The following CAMKMT variants were observed in gnomAD, a reference collection of about 807,000 sequenced individuals.
CAMKMT encodes CaM KMT.
A neutral mutation model predicts 48.0 loss-of-function variants in CAMKMT; 53 were observed. The observed-to-expected ratio is 1.10, with a 90% confidence interval of 0.89 to 1.39. The LOEUF (loss-of-function observed/expected upper bound fraction) is 1.39. Ranked by LOEUF, CAMKMT falls within the 40% of genes most tolerant of loss-of-function variation. The pLI is 0.00. For missense variants in CAMKMT, 428 were observed against 402.7 expected, an observed-to-expected ratio of 1.06 and a Z score of -0.54; for synonymous variants, 165 against 152.3, an observed-to-expected ratio of 1.08 and a Z score of -0.61.
At chr2:44,573,383 T>C (rs1483867479) in intron 3 of CAMKMT, among the ~76,000 whole-genome samples, 1 of 151,640 alleles carries the variant, frequency 6.6e-6, no homozygotes, top group African/African-American at 2.4e-5. Context: ...TAGGTTGCTT[T>C]TTCACTCTGT....
intron 3 of CAMKMT, among the ~76,000 whole-genome samples, chr2:44,544,316 G>A (rs1667278536): frequency 6.6e-6 from 1 of 152,140 alleles, no homozygotes; most frequent in Non-Finnish European, 1.5e-5. Flanking sequence ...TACAAATCAA[G>A]ACTTCCAGCA....
intron 3 of CAMKMT, among the ~76,000 whole-genome samples, chr2:44,491,643 C>G (rs1669512883): frequency 6.6e-6 from 1 of 152,164 alleles, no homozygotes; most frequent in East Asian, 1.9e-4. Flanking sequence ...TGATAAATGC[C>G]TGACTTTCGG....
intron 3 of CAMKMT, among the ~76,000 whole-genome samples, chr2:44,402,258 G>T (rs1572772807): frequency 6.8e-6 from 1 of 147,968 alleles, no homozygotes; most frequent in East Asian, 2.0e-4. Context: ...GAACCCGGGA[G>T]GCAGAGCTTG....
chr2:44,457,977 T>C (rs1286001670), intron 3 of CAMKMT, among the ~76,000 whole-genome samples: 1 of 151,610 alleles, frequency 6.6e-6, no homozygotes, highest in Admixed American at 6.6e-5. Flanking sequence ...CATCCCCCAT[T>C]TTGGAGTCAG....
chr2:44,557,879 T>G (rs950073655), intron 3 of CAMKMT, among the ~76,000 whole-genome samples: 5 of 152,208 alleles, frequency 3.3e-5, no homozygotes, highest in African/African-American at 7.2e-5. Flanking sequence ...CTGCTCTGTA[T>G]CAATTTAGGT....
intron 10 of CAMKMT, among the ~76,000 whole-genome samples, chr2:44,766,803 C>T (rs1041212771): frequency 2.6e-5 from 4 of 152,176 alleles, no homozygotes; most frequent in African/African-American, 9.7e-5. Context: ...CTAATCTTTT[C>T]ATTCATAATA....
At chr2:44,706,425 G>A in intron 5 of CAMKMT, 84 bp downstream of exon 5, 1 of 1,360,536 alleles carries the variant, frequency 7.4e-7, no homozygotes, top group East Asian at 2.3e-5. Context: ...CTGGGTCAGA[G>A]AACCGTCAAC....
chr2:44,381,940 CTT>C (rs11440012), intron 2 of CAMKMT, among the ~76,000 whole-genome samples: 7 of 124,808 alleles, frequency 5.6e-5, no homozygotes, highest in African/African-American at 1.2e-4. Context: ...TTATCTTACA[CTT>C]TTTTTTTTTT....
rs191986447 is a variant in CAMKMT, at chr2:44,399,061, G to A, written c.376+8756G>A. On this transcript the variant is annotated intron_variant, in intron 3 of 10. Transcript: ENST00000378494. ...TGTGTATGAGATTGAAAAGGCGCAT[G>A]TTTTGTGTAATTATAGATACGTCAC... Among the ~76,000 whole-genome samples the A allele has an allele frequency of 3.6e-3, 541 of 152,292 alleles. 2 individuals are homozygous for A. Among genetic ancestry groups the A allele is most frequent in the African/African-American group, 0.013 (522 of 41,568 alleles).
At chr2:44,406,542 G>A (rs1682791748) in intron 3 of CAMKMT, among the ~76,000 whole-genome samples, 1 of 151,838 alleles carries the variant, frequency 6.6e-6, no homozygotes, top group Admixed American at 6.6e-5. Flanking sequence ...TTTTGTTGTT[G>A]TTGTTTTATT....
chr2:44,692,355 A>T (rs527706722), intron 3 of CAMKMT, among the ~76,000 whole-genome samples: 2 of 152,226 alleles, frequency 1.3e-5, no homozygotes, highest in East Asian at 3.9e-4. Flanking sequence ...AGGTACTTTT[A>T]TTGCTTGTAC....
intron 9 of CAMKMT, among the ~76,000 whole-genome samples, chr2:44,760,406 C>T (rs962838965): frequency 2.6e-5 from 4 of 151,668 alleles, no homozygotes; most frequent in South Asian, 4.2e-4. Context: ...GAATGGCCAT[C>T]GAGACCATCC....
intron 3 of CAMKMT, among the ~76,000 whole-genome samples, chr2:44,476,276 A>C (rs187194700): frequency 6.6e-6 from 1 of 152,294 alleles, no homozygotes; most frequent in East Asian, 1.9e-4. Flanking sequence ...TGGAAAAAAA[A>C]AAGTAGTAGG....
chr2:44,454,819 C>G (rs1017595752), intron 3 of CAMKMT, among the ~76,000 whole-genome samples: 2 of 152,096 alleles, frequency 1.3e-5, no homozygotes, highest in African/African-American at 4.8e-5. Flanking sequence ...AAAAGAATTT[C>G]TTGACATGAA....
chr2:44,657,567 A>G lies in CAMKMT; in HGVS notation c.377-46716A>G, dbSNP rs1229106673. On this transcript the variant is annotated intron_variant, in intron 3 of 10. Coordinates refer to ENST00000378494, the MANE Select transcript of CAMKMT (RefSeq NM_024766.5). The surrounding 1 kb of genome is among the most constrained non-coding windows in gnomAD (Gnocchi z 4.3). Reference sequence around the variant, plus strand: ...ACTAAGTCTTCAAGTTCATGAATAGATGGACATAGAACTTTTTTCGGAACA... The same window carrying G: ...ACTAAGTCTTCAAGTTCATGAATAGGTGGACATAGAACTTTTTTCGGAACA... 6.6e-6 allele frequency among the ~76,000 whole-genome samples: 1 copy of G among 152,188 alleles called. No individual in the cohort carries two copies. Among genetic ancestry groups the G allele is most frequent in the Admixed American group, 6.5e-5 (1 of 15,282 alleles).
intron 3 of CAMKMT, among the ~76,000 whole-genome samples, chr2:44,407,769 G>A (rs1159918445): frequency 6.6e-6 from 1 of 152,124 alleles, no homozygotes; most frequent in Non-Finnish European, 1.5e-5. Context: ...ATAAAATAAT[G>A]ATAGGCAGCT....
intron 8 of CAMKMT, among the ~76,000 whole-genome samples, chr2:44,747,701 A>G (rs144565294): frequency 1.6e-4 from 25 of 152,308 alleles, no homozygotes; most frequent in African/African-American, 5.8e-4. Flanking sequence ...TGTTCTCTGC[A>G]CTAATTAACT....
chr2:44,652,243 T>C (rs1234907326), intron 3 of CAMKMT, among the ~76,000 whole-genome samples: 1 of 152,248 alleles, frequency 6.6e-6, no homozygotes, highest in Non-Finnish European at 1.5e-5. Flanking sequence ...GTGATCAATG[T>C]AGTTGATACT....
intron 3 of CAMKMT, among the ~76,000 whole-genome samples, chr2:44,489,087 A>T (rs1457562382): frequency 6.6e-6 from 1 of 151,872 alleles, no homozygotes; most frequent in Non-Finnish European, 1.5e-5. Context: ...GGCTGGTTTC[A>T]AACTTCTGGT....
Sources: allele counts gnomAD v4.1 joint callset (sites outside exome capture counted in the v4.1 genomes callset), GRCh38; gene constraint gnomAD v4.1.1; non-coding constraint Gnocchi (gnomAD v3.1); transcripts MANE v1.5; gene names NCBI Gene and HGNC (gene_info 2026-07-23, HGNC 2026-07-21).